Variants in TAF3 observed in about 807,000 individuals in gnomAD.
TAF3 encodes transcription initiation factor TFIID subunit 3.
Under a neutral mutation model 80.6 loss-of-function variants are expected in TAF3, and 7 were observed. The ratio of observed to expected loss-of-function variants is 0.09; its 90% CI spans 0.05 to 0.16. The LOEUF (loss-of-function observed/expected upper bound fraction) is 0.16. Ranked by LOEUF, TAF3 falls within the 10% of genes least tolerant of loss-of-function variation. TAF3 has a pLI of 1.00. For missense variants in TAF3, 921 were observed against 1,140.2 expected, an observed-to-expected ratio of 0.81 and a Z score of 2.77; for synonymous variants, 444 against 446.1, an observed-to-expected ratio of 1.00 and a Z score of 0.06.
At chr10:7,856,282 C>T (rs950823893) in intron 2 of TAF3, among the ~76,000 whole-genome samples, 1 of 152,034 alleles carries the variant, frequency 6.6e-6, no homozygotes, top group Non-Finnish European at 1.5e-5. Flanking sequence ...TCGAGACCAG[C>T]CTGGCCAGCA....
At chr10:7,936,477 AG>A (rs1477653076) in intron 2 of TAF3, among the ~76,000 whole-genome samples, 6 of 151,586 alleles carry the variant, frequency 4.0e-5, no homozygotes, top group African/African-American at 1.5e-4. Context: ...ATATCAGAAG[AG>A]GGTAGGACCT....
rs994714904 is a variant in TAF3 at position 7,885,174 on chromosome 10, T to C, written c.409+60614T>C. Among the ~76,000 whole-genome samples the C allele has an allele frequency of 2.6e-5, 4 of 151,926 alleles. No individual in the cohort carries two copies. In the East Asian group the frequency reaches 7.7e-4, roughly 29 times the overall value. On this transcript the variant is annotated intron_variant, in intron 2 of 6. Coordinates refer to ENST00000344293, the MANE Select transcript of TAF3 (RefSeq NM_031923.4). ...GATAGTGGTGATGGTTGCATGACAG[T>C]GTGAAAATAATCAAGCCACTGAATT...
chr10:7,909,207 T>G (rs1440361973), intron 2 of TAF3, among the ~76,000 whole-genome samples: 1 of 152,220 alleles, frequency 6.6e-6, no homozygotes, highest in Non-Finnish European at 1.5e-5. Flanking sequence ...CATAACCCAT[T>G]CTAGGCTTAC....
chr10:7,991,593 TATAC>T (rs1418899861), intron 4 of TAF3, among the ~76,000 whole-genome samples: 1 of 152,176 alleles, frequency 6.6e-6, no homozygotes, highest in Non-Finnish European at 1.5e-5. Context: ...GATATAGATT[TATAC>T]ACATACACAC....
intron 4 of TAF3, among the ~76,000 whole-genome samples, chr10:7,990,796 G>A (rs1831826093): frequency 6.6e-6 from 1 of 152,290 alleles, no homozygotes; most frequent in South Asian, 2.1e-4. Context: ...GAGCACAGGA[G>A]GTGCGTTAGA....
intron 2 of TAF3, among the ~76,000 whole-genome samples, chr10:7,847,845 G>A (rs953269444): frequency 2.0e-5 from 3 of 152,096 alleles, no homozygotes; most frequent in South Asian, 2.1e-4. Flanking sequence ...TGGGCCCACC[G>A]CAACCTCCAC....
intron 2 of TAF3, among the ~76,000 whole-genome samples, chr10:7,950,444 A>G (rs967432074): frequency 2.0e-5 from 3 of 152,172 alleles, no homozygotes; most frequent in Non-Finnish European, 4.4e-5. Context: ...AAACTCAAAC[A>G]TGTCCTAATT....
chr10:8,014,653 A>G lies in TAF3; in HGVS notation c.2692A>G (p.Met898Val). 1 of 1,613,158 alleles carries G rather than the reference A, an allele frequency of 6.2e-7. No homozygotes were observed. The highest frequency in any genetic ancestry group is 1.1e-5 in the South Asian group (1 of 90,756). ...DWYHWPCVGI[M>V]TAPPEEMQWF... Reference sequence around the variant, plus strand: ...CACGTGCAGGCCCTGTGTTGGAATCATGACTGCACCCCCAGAAGAGATGCA... The same window carrying G: ...CACGTGCAGGCCCTGTGTTGGAATCGTGACTGCACCCCCAGAAGAGATGCA... The change falls in exon 7 of 7, where the codon ATG becomes GTG. Residue 898 changes from methionine (M) to valine (V), a missense_variant. Physicochemically the swap from Met to Val is conservative, Grantham distance 21. This residue lies in a region of TAF3 where 11 missense variants were observed against 20.3 expected (regional missense o/e 0.54). Coordinates refer to ENST00000344293, the MANE Select transcript of TAF3 (RefSeq NM_031923.4).
At chr10:8,010,341 A>T (rs1303509015) in intron 5 of TAF3, among the ~76,000 whole-genome samples, 1 of 152,236 alleles carries the variant, frequency 6.6e-6, no homozygotes, top group Non-Finnish European at 1.5e-5. Flanking sequence ...GGATATGACT[A>T]TATGCATATA....
Position 8,009,788 on chromosome 10 carries a change from A to G in TAF3, c.2568+458A>G, listed in dbSNP as rs1832036550. 6.6e-6 allele frequency among the ~76,000 whole-genome samples: 1 copy of G among 150,942 alleles called. No homozygotes were observed. The highest frequency in any genetic ancestry group is 1.5e-5 in the Non-Finnish European group (1 of 67,804). The stretch of plus-strand genomic sequence containing the variant: ...AGGCACGTGCCACCACACCTGGCCA[A>G]TTTTTTGTATTTTTAGTAGAAACGG... On this transcript the variant is annotated intron_variant, in intron 5 of 6. Transcript: ENST00000344293. This position sits in a 1 kb window ranked among gnomAD's most constrained non-coding sequence, Gnocchi z 4.1.
At chr10:7,918,330 C>T (rs1435646706) in intron 2 of TAF3, among the ~76,000 whole-genome samples, 1 of 151,920 alleles carries the variant, frequency 6.6e-6, no homozygotes, top group African/African-American at 2.4e-5. Context: ...TGCTGTGGGC[C>T]CATTTGGAAT....
chr10:7,853,117 A>C (rs1244511), intron 2 of TAF3, among the ~76,000 whole-genome samples: 2 of 152,078 alleles, frequency 1.3e-5, no homozygotes, highest in Non-Finnish European at 2.9e-5. Flanking sequence ...AATGTTGTTT[A>C]ATATTCAGTC....
intron 2 of TAF3, among the ~76,000 whole-genome samples, chr10:7,909,654 AG>A (rs2131178392): frequency 6.6e-6 from 1 of 152,356 alleles, no homozygotes; most frequent in East Asian, 1.9e-4. Context: ...CCAGGGCAAA[AG>A]GAAACTATAG....
intron 4 of TAF3, among the ~76,000 whole-genome samples, chr10:8,008,092 CTTTTTTTTTTT>C (rs1162726965): frequency 9.4e-6 from 1 of 106,038 alleles, no homozygotes. Flanking sequence ...TGGGAACAAT[CTTTTTTTTTTT>C]TTTTTTTTTT....
rs11255399 is a variant in TAF3 at position 7,845,467 on chromosome 10, A to G, written c.409+20907A>G. ...CAGTGCTAGGGGTAGGGGTGAACCC[A>G]AAGTGCATAAAATGCACTGAAATGA... is the stretch of plus-strand genomic sequence containing the variant. On this transcript the variant is annotated intron_variant, in intron 2 of 6. Transcript: ENST00000344293. 6.2e-4 allele frequency among the ~76,000 whole-genome samples: 95 copies of G among 152,358 alleles called. 1 individual carries two copies. The East Asian group carries it at 0.015, about 24-fold the overall frequency.
chr10:8,014,551 C>A, intron 6 of TAF3, 86 bp from the exon 7 acceptor site: 1 of 1,186,866 alleles, frequency 8.4e-7, no homozygotes, highest in Admixed American at 2.5e-5. Flanking sequence ...ATGTCATAGA[C>A]TCTAAAAAAT....
intron 2 of TAF3, among the ~76,000 whole-genome samples, chr10:7,933,474 A>T (rs1367315258): frequency 6.6e-6 from 1 of 152,176 alleles, no homozygotes; most frequent in African/African-American, 2.4e-5. Flanking sequence ...TGGACAGCAG[A>T]TGTGTGACTG....
chr10:7,900,325 G>A (rs1837546283), intron 2 of TAF3, among the ~76,000 whole-genome samples: 1 of 152,288 alleles, frequency 6.6e-6, no homozygotes, highest in South Asian at 2.1e-4. Flanking sequence ...TACTTTTAAT[G>A]GAGGCATTTG....
At chr10:8,011,673 T>C (rs563155019) in intron 5 of TAF3, among the ~76,000 whole-genome samples, 4 of 152,348 alleles carry the variant, frequency 2.6e-5, no homozygotes, top group Admixed American at 2.6e-4. Context: ...GGTGTTTAAT[T>C]AGAGGCAACA....
Sources: gnomAD v4.1 joint callset for allele counts (sites outside exome capture counted in the v4.1 genomes callset) on GRCh38, gnomAD v4.1.1 for gene constraint, gnomAD v4.1.1 regional missense constraint, Gnocchi (gnomAD v3.1) non-coding constraint, MANE v1.5 for transcripts, NCBI Gene and HGNC (gene_info 2026-07-23, HGNC 2026-07-21) for gene names.